EXT2: variants seen among roughly 807,000 people sequenced by gnomAD.
The protein encoded by EXT2 is exostosin glycosyltransferase 2.
In EXT2, 53 loss-of-function variants were observed where a neutral mutation model predicts 81.6. The ratio of observed to expected loss-of-function variants is 0.65; its 90% CI spans 0.52 to 0.82. EXT2 has a LOEUF of 0.82. EXT2 is among the 40% of genes least tolerant of loss of function. EXT2 has a pLI of 0.00. For synonymous variants in EXT2, 320 were observed against 340.0 expected, an observed-to-expected ratio of 0.94 and a Z score of 0.65; for missense variants, 774 against 910.2, an observed-to-expected ratio of 0.85 and a Z score of 1.93.
At chr11:44,118,772 G>T (rs1343152318) in intron 4 of EXT2, among the ~76,000 whole-genome samples, 1 of 151,942 alleles carries the variant, frequency 6.6e-6, no homozygotes, top group African/African-American at 2.4e-5. Context: ...AGCCCCGCTG[G>T]TACCCTTTGG....
chr11:44,159,192 G>A (rs1036534943), intron 7 of EXT2, among the ~76,000 whole-genome samples: 8 of 145,132 alleles, frequency 5.5e-5, no homozygotes, highest in African/African-American at 2.0e-4. Flanking sequence ...TTGGTATCTT[G>A]ATATTATTTT....
chr11:44,227,891 A>G (rs553126362), intron 10 of EXT2, among the ~76,000 whole-genome samples: 2 of 152,350 alleles, frequency 1.3e-5, no homozygotes, highest in Non-Finnish European at 2.9e-5. Flanking sequence ...AGTGTCCAGC[A>G]TAAAGGTTGG....
intron 10 of EXT2, among the ~76,000 whole-genome samples, chr11:44,218,035 A>G (rs1955739578): frequency 6.6e-6 from 1 of 152,216 alleles, no homozygotes; most frequent in Non-Finnish European, 1.5e-5. Context: ...GTTGTTAGGC[A>G]CACAAAATAT....
chr11:44,195,308 C>T (rs139844201), intron 8 of EXT2, among the ~76,000 whole-genome samples: 1 of 151,986 alleles, frequency 6.6e-6, no homozygotes, highest in Non-Finnish European at 1.5e-5. Flanking sequence ...GTGGTGCATG[C>T]CTGTAATCCC....
intron 7 of EXT2, among the ~76,000 whole-genome samples, chr11:44,130,566 T>C (rs935039241): frequency 6.6e-6 from 1 of 152,198 alleles, no homozygotes; most frequent in Non-Finnish European, 1.5e-5. Flanking sequence ...TCGGGAATCC[T>C]TCCCTCTCTT....
chr11:44,119,124 T>TTTTATATATGTATATGTATATA (rs1555004226), intron 4 of EXT2, among the ~76,000 whole-genome samples: 1 of 25,644 alleles, frequency 3.9e-5, no homozygotes, highest in African/African-American at 7.6e-5. Context: ...ATTTGGCTAT[T>TTTTATATATGTATATGTATATA]TATATATATA....
chr11:44,181,484 G>A (rs1054098360), intron 8 of EXT2, among the ~76,000 whole-genome samples: 5 of 152,008 alleles, frequency 3.3e-5, no homozygotes, highest in Non-Finnish European at 4.4e-5. Context: ...TTTATGGGAC[G>A]TCTGTTACAT....
intron 3 of EXT2, among the ~76,000 whole-genome samples, chr11:44,110,469 A>T (rs1016106661): frequency 3.7e-4 from 57 of 152,212 alleles, no homozygotes; most frequent in Non-Finnish European, 2.8e-4. Flanking sequence ...TCTCAGCCCC[A>T]GAGAAGGTGT....
At chr11:44,136,254 A>G (rs998148847) in intron 7 of EXT2, among the ~76,000 whole-genome samples, 8 of 152,272 alleles carry the variant, frequency 5.3e-5, no homozygotes, top group African/African-American at 1.9e-4. Flanking sequence ...CCCAGTGTAC[A>G]CCAGTTTACA....
chr11:44,152,056 T>C (rs1035925607), intron 7 of EXT2, among the ~76,000 whole-genome samples: 18 of 152,234 alleles, frequency 1.2e-4, no homozygotes, highest in Non-Finnish European at 1.5e-5. Flanking sequence ...CATTTTTTAA[T>C]CTGATTGTTC....
At chr11:44,144,337 C>G in intron 7 of EXT2, 1 of 1,597,442 alleles carries the variant, frequency 6.3e-7, no homozygotes, top group Non-Finnish European at 8.5e-7. Context: ...GTGGGATTCA[C>G]AGGCATGGGT....
Position 44,197,499 on chromosome 11 carries a change from G to A in EXT2, c.1306-330G>A, listed in dbSNP as rs79274299. 3.9e-3 allele frequency among the ~76,000 whole-genome samples: 591 copies of A among 152,188 alleles called. 5 individuals are homozygous for A. Among genetic ancestry groups the A allele is most frequent in the African/African-American group, 0.014 (569 of 41,530 alleles). On this transcript the variant is annotated intron_variant, in intron 8 of 13. Transcript: ENST00000533608. ...TCTCTTCTCCCATCTCTTTGTCCTTGTAGATTTATATTCTTTTATATTCAT... is the reference window on the plus strand; with the variant it reads ...TCTCTTCTCCCATCTCTTTGTCCTTATAGATTTATATTCTTTTATATTCAT...
intron 8 of EXT2, among the ~76,000 whole-genome samples, chr11:44,173,563 C>CTTTTT (rs66702988): frequency 5.2e-4 from 52 of 100,046 alleles, no homozygotes; most frequent in South Asian, 8.1e-4. Context: ...TTCTTTCTTT[C>CTTTTT]TTTTTTTTTT....
intron 13 of EXT2, 152 bp downstream of exon 13, chr11:44,236,527 C>T: frequency 1.4e-6 from 1 of 724,102 alleles, no homozygotes; most frequent in South Asian, 1.5e-5. Context: ...TTAGTTCAAG[C>T]CCAGGTCACC....
chr11:44,130,021 A>C, intron 6 of EXT2, 24 bp from the exon 7 acceptor site: 1 of 1,581,848 alleles, frequency 6.3e-7, no homozygotes, highest in Non-Finnish European at 8.7e-7. Context: ...GTGTGTATGT[A>C]AACTGTTTTG....
intron 10 of EXT2, among the ~76,000 whole-genome samples, chr11:44,208,459 G>A (rs760356573): frequency 4.6e-5 from 7 of 152,166 alleles, no homozygotes; most frequent in African/African-American, 1.4e-4. Flanking sequence ...ATGTTAATGC[G>A]AGGAAGTTTT....
intron 11 of EXT2, 109 bp downstream of exon 11, chr11:44,232,605 TTG>T (rs1955912934): frequency 2.9e-6 from 4 of 1,369,634 alleles, no homozygotes. Flanking sequence ...AAAAGCCATA[TTG>T]TGTGACAGTA....
At chr11:44,123,510 CCT>C (rs1954349462) in intron 4 of EXT2, among the ~76,000 whole-genome samples, 1 of 152,100 alleles carries the variant, frequency 6.6e-6, no homozygotes, top group African/African-American at 2.4e-5. Context: ...CCTTGTGGTC[CCT>C]CAGCCTAAAC....
intron 8 of EXT2, among the ~76,000 whole-genome samples, chr11:44,186,261 A>G (rs1955309825): frequency 6.6e-6 from 1 of 152,236 alleles, no homozygotes; most frequent in African/African-American, 2.4e-5. Flanking sequence ...AGATATATTT[A>G]GTGAAATTTA....
Sources: gnomAD v4.1 joint callset for allele counts (sites outside exome capture counted in the v4.1 genomes callset) on GRCh38, gnomAD v4.1.1 for gene constraint, MANE v1.5 for transcripts, NCBI Gene and HGNC (gene_info 2026-07-23, HGNC 2026-07-21) for gene names.